The following CNTNAP3B variants were observed in gnomAD, a reference collection of about 807,000 sequenced individuals.
The protein encoded by CNTNAP3B is contactin associated protein family member 3B.
In CNTNAP3B, 25 loss-of-function variants were observed where a neutral mutation model predicts 108.9. The ratio of observed to expected loss-of-function variants is 0.23; its 90% CI spans 0.17 to 0.32. CNTNAP3B has a LOEUF of 0.32. CNTNAP3B is among the 10% of genes least tolerant of loss of function. CNTNAP3B has a pLI of 1.00. For synonymous variants in CNTNAP3B, 103 were observed against 473.4 expected (o/e 0.22, Z 10.16); for missense variants, 252 against 1,210.4 (o/e 0.21, Z 11.75).
rs1289931556 is a variant in CNTNAP3B, at chr9:41,953,496, G to A, written c.1877-110C>T. Reference sequence around the variant, plus strand: ...ACGTTTAATTGAAATTTACATTACTGCATGTTTGCCGCGATTTGAGGAGTT... The same window carrying A: ...ACGTTTAATTGAAATTTACATTACTACATGTTTGCCGCGATTTGAGGAGTT... On this transcript the variant is annotated intron_variant, in intron 12 of 23. Coordinates refer to ENST00000377561, the MANE Select transcript of CNTNAP3B (RefSeq NM_001201380.3). 14 of 1,337,724 alleles carry A rather than the reference G, an allele frequency of 1.0e-5. No individual in the cohort carries two copies. The African/African-American group carries it at 2.0e-4, about 20-fold the overall frequency. The allele number at this position is 1,337,724 out of a possible 1,614,324, so 82.9% of individuals were successfully genotyped here. A position where few individuals can be genotyped will look rare whatever the true frequency, so the allele number is the denominator to read the frequency against.
intron 1 of CNTNAP3B, among the ~76,000 whole-genome samples, chr9:42,105,979 G>A (rs1312906113): frequency 3.2e-5 from 1 of 31,542 alleles, no homozygotes; most frequent in Admixed American, 4.1e-4. Context: ...AGATTGCTAC[G>A]ACTTAGCAAA....
At chr9:41,919,237 C>A (rs1249966474) in intron 18 of CNTNAP3B, among the ~76,000 whole-genome samples, 2 of 152,086 alleles carry the variant, frequency 1.3e-5, no homozygotes, top group Non-Finnish European at 2.9e-5. Flanking sequence ...CGGGTTCAAG[C>A]AATTCTCCTG....
At position 41,953,340 on chromosome 9, in the gene CNTNAP3B, C is replaced by T. The variant is rs2118151812; in HGVS notation, c.1923G>A (p.Val641=). The T allele has an allele frequency of 6.4e-6, 10 of 1,552,654 alleles. No individual in the cohort carries two copies. Among genetic ancestry groups the T allele is most frequent in the Non-Finnish European group, 8.7e-6 (10 of 1,155,990 alleles). The change falls in exon 13 of 24, where the codon GTG becomes GTA. Residue 641 remains valine, a synonymous_variant. Coordinates refer to ENST00000377561, the MANE Select transcript of CNTNAP3B (RefSeq NM_001201380.3). ...TVVRHGGPDA[V]TLRGAPSGHP... ...GCCCGCTGGGGGCACCTCGGAGGGT[C>T]ACCGCGTCGGGGCCACCGTGCCGCA...
chr9:42,041,849 A>G (rs1826766005), intron 3 of CNTNAP3B, among the ~76,000 whole-genome samples: 1 of 145,056 alleles, frequency 6.9e-6, no homozygotes. Flanking sequence ...ATGTCCATCA[A>G]TGACAGAATG....
Position 42,046,771 on chromosome 9 carries a change from T to C in CNTNAP3B, c.390+30098A>G, listed in dbSNP as rs539320934. Among the ~76,000 whole-genome samples the C allele has an allele frequency of 4.1e-5, 4 of 96,412 alleles. 1 individual carries two copies. The highest frequency in any genetic ancestry group is 1.5e-4 in the African/African-American group (4 of 25,852). The allele number at this position is 96,412 out of a possible 152,430, so 63.3% of individuals were successfully genotyped here. On this transcript the variant is annotated intron_variant, in intron 3 of 23. Transcript: ENST00000377561. ...GGAAAAGGGAAATTAGATTGAAAAA[T>C]AGAATATTAAAAAATAGGTAATAAT...
chr9:41,935,823 T>A (rs1470144369), intron 14 of CNTNAP3B, among the ~76,000 whole-genome samples: 2 of 152,402 alleles, frequency 1.3e-5, no homozygotes, highest in African/African-American at 4.8e-5. Context: ...CTGAATTTTT[T>A]TCCAAATGAA....
intron 10 of CNTNAP3B, among the ~76,000 whole-genome samples, chr9:41,966,262 T>TA (rs1214821644): frequency 1.2e-4 from 19 of 152,398 alleles, no homozygotes; most frequent in African/African-American, 3.4e-4. Context: ...CCACAAATTT[T>TA]AAAAAACATT....
chr9:41,935,870 C>T (rs1824141220), intron 14 of CNTNAP3B, among the ~76,000 whole-genome samples: 1 of 152,288 alleles, frequency 6.6e-6, no homozygotes, highest in Non-Finnish European at 1.5e-5. Flanking sequence ...CAGTCCTTGA[C>T]GGTGCTGAAG....
intron 2 of CNTNAP3B, among the ~76,000 whole-genome samples, chr9:42,100,154 G>T: frequency 1.7e-5 from 1 of 57,162 alleles, no homozygotes; most frequent in Admixed American, 2.2e-4. Flanking sequence ...ACCTTGTCTA[G>T]GTTTTGCATT....
chr9:42,043,002 A>G (rs1826795378), intron 3 of CNTNAP3B, among the ~76,000 whole-genome samples: 1 of 149,970 alleles, frequency 6.7e-6, no homozygotes, highest in African/African-American at 2.5e-5. Context: ...CATCATCATC[A>G]TCATCATCAT....
chr9:42,066,323 GCTT>G (rs1473666248), intron 3 of CNTNAP3B, among the ~76,000 whole-genome samples: 1 of 123,024 alleles, frequency 8.1e-6, no homozygotes, highest in Admixed American at 8.3e-5. Flanking sequence ...AACAGTATTT[GCTT>G]CTTTTCATTT....
chr9:41,967,513 G>T (rs1258808823), intron 10 of CNTNAP3B, among the ~76,000 whole-genome samples: 1 of 152,274 alleles, frequency 6.6e-6, no homozygotes, highest in Non-Finnish European at 1.5e-5. Context: ...AGCAGCATGA[G>T]AACAGACTAA....
intron 1 of CNTNAP3B, among the ~76,000 whole-genome samples, chr9:42,115,551 C>A (rs937982235): frequency 7.3e-6 from 1 of 137,210 alleles, no homozygotes; most frequent in Non-Finnish European, 1.6e-5. Flanking sequence ...ATTTGCCATT[C>A]TGCAATATTT....
intron 11 of CNTNAP3B, among the ~76,000 whole-genome samples, chr9:41,963,763 T>A (rs1170707766): frequency 6.6e-6 from 1 of 151,826 alleles, no homozygotes; most frequent in Non-Finnish European, 1.5e-5. Flanking sequence ...CCAACCTCCT[T>A]AGCTCAACTC....
chr9:42,043,020 G>A (rs1021614148), intron 3 of CNTNAP3B, among the ~76,000 whole-genome samples: 1 of 149,952 alleles, frequency 6.7e-6, no homozygotes, highest in African/African-American at 2.5e-5. Flanking sequence ...CATAGCTTAT[G>A]TTTTTGAGCA....
At chr9:41,936,511 T>C (rs1446593280) in intron 14 of CNTNAP3B, among the ~76,000 whole-genome samples, 1 of 152,300 alleles carries the variant, frequency 6.6e-6, no homozygotes, top group African/African-American at 2.4e-5. Flanking sequence ...TGAAAACCTC[T>C]AGGATTGTTA....
intron 10 of CNTNAP3B, among the ~76,000 whole-genome samples, chr9:41,969,102 T>C (rs1389596122): frequency 6.6e-6 from 1 of 152,290 alleles, no homozygotes; most frequent in Non-Finnish European, 1.5e-5. Context: ...GGCCAGATTA[T>C]CACTTTTCAA....
chr9:42,089,231 TA>T (rs1223546955), intron 2 of CNTNAP3B, among the ~76,000 whole-genome samples: 4 of 121,910 alleles, frequency 3.3e-5, no homozygotes, highest in Non-Finnish European at 6.8e-5. Context: ...AAGAAAAATG[TA>T]GGGGAATTTA....
rs1211615494 is a variant in CNTNAP3B at position 41,979,775 on chromosome 9, T to C, written c.1477+6393A>G. The stretch of plus-strand genomic sequence containing the variant: ...TTTTTTGTGTGTGTATTTTTGTAGA[T>C]ACAGGGTTTCACCATTTTAACCAGG... On this transcript the variant is annotated intron_variant, in intron 9 of 23. Coordinates refer to ENST00000377561, the MANE Select transcript of CNTNAP3B (RefSeq NM_001201380.3). 4.8e-5 allele frequency: 5 copies of C among 104,138 alleles called. No individual in the cohort carries two copies. The East Asian group carries it at 2.1e-3, about 44-fold the overall frequency. 6.5% of individuals were successfully genotyped at this position (104,138 alleles called of 1,614,324 possible).
Sources: allele counts gnomAD v4.1 joint callset (sites outside exome capture counted in the v4.1 genomes callset), GRCh38; gene constraint gnomAD v4.1.1; transcripts MANE v1.5; gene names NCBI Gene and HGNC (gene_info 2026-07-23, HGNC 2026-07-21).